IPP: variants seen among roughly 807,000 people sequenced by gnomAD.
IPP encodes intracisternal A particle-promoted polypeptide.
IPP carries 41 observed loss-of-function variants against 64.1 expected under a neutral mutation model. That is an observed-to-expected ratio of 0.64 (90% CI 0.50 to 0.83). IPP has a LOEUF of 0.83. Among genes scored for constraint, IPP ranks in the 40% least tolerant of loss-of-function variants. The pLI is 0.00. For missense variants in IPP, 649 were observed against 703.0 expected (o/e 0.92, Z 0.87); for synonymous variants, 214 against 235.2 (o/e 0.91, Z 0.83).
chr1:45,714,424 T>G lies in IPP; in HGVS notation c.1352A>C (p.Glu451Ala), dbSNP rs1645631244. The change falls in exon 8 of 9, where the codon GAA becomes GCA. Residue 451 changes from glutamate to alanine, a missense_variant. Physicochemically the swap from Glu to Ala is moderately radical, Grantham distance 107. Transcript: ENST00000396478. ...VIGGISNEGI[E>A]LRSFEVYDPL... ...ATCATAGACTTCAAAAGAACGAAGTTCTATTCCTTCATTGCTGATGCCCCC... is the reference window on the plus strand; with the variant it reads ...ATCATAGACTTCAAAAGAACGAAGTGCTATTCCTTCATTGCTGATGCCCCC... The G allele has an allele frequency of 1.2e-6, 2 of 1,613,910 alleles. No individual in the cohort carries two copies. The highest frequency in any genetic ancestry group is 2.7e-5 in the African/African-American group (2 of 74,934).
At chr1:45,725,354 C>G (rs1377763589) in intron 5 of IPP, among the ~76,000 whole-genome samples, 3 of 146,040 alleles carry the variant, frequency 2.1e-5, no homozygotes, top group Non-Finnish European at 3.0e-5. Flanking sequence ...GTCAGCCCCC[C>G]GCCCGGCCAG....
chr1:45,742,746 C>A (rs1207244703), intron 2 of IPP, among the ~76,000 whole-genome samples: 2 of 151,948 alleles, frequency 1.3e-5, no homozygotes, highest in Non-Finnish European at 2.9e-5. Context: ...CCGCATTGCC[C>A]AGGCTGATCT....
At chr1:45,698,705 G>C, downstream of IPP, 2 of 795,408 alleles carry the variant, frequency 2.5e-6, no homozygotes, top group Non-Finnish European at 2.9e-6. Context: ...AAAAAAGGAA[G>C]AATTTTTTTT....
intron 6 of IPP, among the ~76,000 whole-genome samples, chr1:45,717,221 G>GAAAA (rs56338317): frequency 4.2e-5 from 4 of 95,256 alleles, no homozygotes; most frequent in African/African-American, 1.2e-4. Context: ...GCTCTTTTGA[G>GAAAA]AAAAAAAAAA....
intron 3 of IPP, among the ~76,000 whole-genome samples, chr1:45,736,535 C>T (rs906319119): frequency 3.3e-5 from 5 of 151,842 alleles, no homozygotes; most frequent in Non-Finnish European, 1.5e-5. Context: ...TATATTTTCT[C>T]CAATATGATC....
At chr1:45,697,286 T>C (rs1371204107), downstream of IPP, 3 of 152,204 alleles carry the variant, frequency 2.0e-5, no homozygotes, top group Admixed American at 6.5e-5. Flanking sequence ...AGTCTTGCTC[T>C]ATGGCCCAGG....
chr1:45,744,407 G>C (rs967955168), intron 2 of IPP, among the ~76,000 whole-genome samples: 1 of 151,912 alleles, frequency 6.6e-6, no homozygotes, highest in African/African-American at 2.4e-5. Context: ...ATTCAGAGAT[G>C]GGGTCTCACT....
At chr1:45,720,063 T>A (rs1312163424) in intron 5 of IPP, among the ~76,000 whole-genome samples, 1 of 151,158 alleles carries the variant, frequency 6.6e-6, no homozygotes, top group Non-Finnish European at 1.5e-5. Context: ...AATTTTCATG[T>A]TTTTGATATT....
intron 5 of IPP, among the ~76,000 whole-genome samples, chr1:45,727,119 G>A (rs541723458): frequency 9.4e-4 from 143 of 152,162 alleles, no homozygotes; most frequent in South Asian, 1.7e-3. Context: ...GCACGATCAT[G>A]GCTCACTGCA....
At chr1:45,702,737 G>A (rs188593043) in intron 8 of IPP, among the ~76,000 whole-genome samples, 21 of 152,178 alleles carry the variant, frequency 1.4e-4, no homozygotes, top group Non-Finnish European at 2.5e-4. Flanking sequence ...TTACAGGCAT[G>A]AGCCACTGCA....
rs111873227 is a variant in IPP at position 45,730,749 on chromosome 1, A to C, written c.725-980T>G. Among the ~76,000 whole-genome samples, 139 of 152,366 alleles carry C rather than the reference A, an allele frequency of 9.1e-4. 1 individual carries two copies. Among genetic ancestry groups the C allele is most frequent in the African/African-American group, 3.3e-3 (138 of 41,578 alleles). On this transcript the variant is annotated intron_variant, in intron 3 of 8. Coordinates refer to ENST00000396478, the MANE Select transcript of IPP (RefSeq NM_005897.3). ...GCAAGAGATTGTCTCCTATCCTTCC[A>C]TCTCTAATCTTTTCTCTGTATCCCA...
chr1:45,714,453 T>C lies in IPP; in HGVS notation c.1323A>G (p.Val441=), dbSNP rs1424712678. The C allele has an allele frequency of 6.2e-7, 1 of 1,608,860 alleles. No individual in the cohort carries two copies. Among genetic ancestry groups the C allele is most frequent in the South Asian group, 1.1e-5 (1 of 90,962 alleles). ...TTCCTTCATTGCTGATGCCCCCAAT[T>C]ACATAAATTAAACCTGGAAGTGGAA... ...GCCEMQGLIY[V]IGGISNEGIE... The change falls in exon 8 of 9, where the codon GTA becomes GTG. Residue 441 remains valine (V), a synonymous_variant. Coordinates refer to ENST00000396478, the MANE Select transcript of IPP (RefSeq NM_005897.3).
intron 5 of IPP, among the ~76,000 whole-genome samples, chr1:45,725,444 C>A (rs1440246928): frequency 7.0e-6 from 1 of 143,008 alleles, no homozygotes; most frequent in Non-Finnish European, 1.5e-5. Context: ...CCTGGCCAGC[C>A]GCCCCATCCG....
At chr1:45,717,442 T>C (rs549385020) in intron 6 of IPP, among the ~76,000 whole-genome samples, 1 of 152,270 alleles carries the variant, frequency 6.6e-6, no homozygotes, top group Non-Finnish European at 1.5e-5. Context: ...ACCGTGTATT[T>C]GGTGTAATTT....
At chr1:45,740,095 C>G (rs550021386) in intron 3 of IPP, among the ~76,000 whole-genome samples, 5 of 152,218 alleles carry the variant, frequency 3.3e-5, no homozygotes, top group African/African-American at 1.2e-4. Flanking sequence ...TCCATTTAAC[C>G]CTGAGTGGAC....
intron 8 of IPP, among the ~76,000 whole-genome samples, chr1:45,709,488 GAA>G (rs1446288350): frequency 7.1e-6 from 1 of 141,190 alleles, no homozygotes; most frequent in African/African-American, 2.6e-5. Context: ...ATGTGAGATA[GAA>G]ATGCAATTCT....
rs142427953 is a variant in IPP at position 45,705,948 on chromosome 1, C to T, written c.1531-5758G>A. Among the ~76,000 whole-genome samples, 364 of 152,190 alleles carry T rather than the reference C, an allele frequency of 2.4e-3. 8 individuals are homozygous for T. Among genetic ancestry groups the T allele is most frequent in the Non-Finnish European group, 3.7e-4 (25 of 68,020 alleles). ...TGGAGGGGCTTTTTGAAAACAGGTA[C>T]GCAGAAGGGGATCTCAAGCAGTGCA... On this transcript the variant is annotated intron_variant, in intron 8 of 8. Coordinates refer to ENST00000396478, the MANE Select transcript of IPP (RefSeq NM_005897.3).
chr1:45,708,638 C>T (rs1319099048), intron 8 of IPP, among the ~76,000 whole-genome samples: 1 of 145,084 alleles, frequency 6.9e-6, no homozygotes, highest in Non-Finnish European at 1.5e-5. Context: ...AAAATCGCAC[C>T]ACTGCACTCC....
At chr1:45,748,364 A>T (rs1458948099) in intron 1 of IPP, among the ~76,000 whole-genome samples, 1 of 152,070 alleles carries the variant, frequency 6.6e-6, no homozygotes, top group African/African-American at 2.4e-5. Flanking sequence ...TGAAAAATAA[A>T]TTTTTTAAAG....
Sources: gnomAD v4.1 joint callset for allele counts (sites outside exome capture counted in the v4.1 genomes callset) on GRCh38, gnomAD v4.1.1 for gene constraint, MANE v1.5 for transcripts, NCBI Gene and HGNC (gene_info 2026-07-23, HGNC 2026-07-21) for gene names.